Variants in WDFY3 observed in about 807,000 individuals in gnomAD.
The protein encoded by WDFY3 is WD repeat and FYVE domain containing 3.
WDFY3 carries 66 observed loss-of-function variants against 409.6 expected under a neutral mutation model. The ratio of observed to expected loss-of-function variants is 0.16; its 90% confidence interval spans 0.13 to 0.20. The LOEUF is 0.20. WDFY3 is among the 10% of genes least tolerant of loss of function. The probability of loss-of-function intolerance (pLI) is 1.00; values close to 1 mark genes in which losing one functional copy is unlikely to be tolerated. For missense variants in WDFY3, 3,031 were observed against 4,298.1 expected, an observed-to-expected ratio of 0.71 and a Z score of 8.24; for synonymous variants, 1,521 against 1,537.1, an observed-to-expected ratio of 0.99 and a Z score of 0.25.
intron 62 of WDFY3, among the ~76,000 whole-genome samples, chr4:84,685,001 A>C (rs2148806982): frequency 6.6e-6 from 1 of 152,370 alleles, no homozygotes; most frequent in South Asian, 2.1e-4. Context: ...TGAGGGGCAA[A>C]GAATTTAAGT....
At chr4:84,825,385 G>T (rs1200728582) in intron 10 of WDFY3, among the ~76,000 whole-genome samples, 4 of 145,402 alleles carry the variant, frequency 2.8e-5, no homozygotes, top group African/African-American at 1.0e-4. Flanking sequence ...GCTTTTAAGA[G>T]AAAGGGGGTC....
Position 84,817,598 on chromosome 4 carries a change from A to AG in WDFY3, c.1694-14dup. 6.3e-7 allele frequency: 1 copy of AG among 1,586,002 alleles called. No homozygotes were observed. On this transcript the variant is annotated splice_polypyrimidine_tract_variant and intron_variant, in intron 12 of 67. Coordinates refer to ENST00000295888, the MANE Select transcript of WDFY3 (RefSeq NM_014991.6). ...TCTCGAAAAATTCCTTGAAGGAAGGAGAAAAAGTCCAACAATGGCTACTTT... is the reference window on the plus strand; with the variant it reads ...TCTCGAAAAATTCCTTGAAGGAAGGAGGAAAAAGTCCAACAATGGCTACTTT...
chr4:84,928,034 T>C lies in WDFY3; in HGVS notation c.-132+4236A>G, dbSNP rs544348268. The stretch of plus-strand genomic sequence containing the variant: ...TCTGTGAAGGTGTTTCCAAAGGAGA[T>C]TGACATTTCAGTCAGTGGACTGAGT... On this transcript the variant is annotated intron_variant, in intron 2 of 67. Transcript: ENST00000295888. Among the ~76,000 whole-genome samples, 23 of 152,252 alleles carry C rather than the reference T, an allele frequency of 1.5e-4. No homozygotes were observed. In the East Asian group the frequency reaches 4.3e-3, roughly 28 times the overall value.
intron 7 of WDFY3, among the ~76,000 whole-genome samples, chr4:84,835,499 GT>G (rs1267408267): frequency 6.6e-6 from 1 of 152,194 alleles, no homozygotes. Context: ...AAGTCGTGGG[GT>G]TATCTTGCAA....
intron 62 of WDFY3, 123 bp downstream of exon 62, chr4:84,687,963 C>G: frequency 9.5e-7 from 1 of 1,049,574 alleles, no homozygotes; most frequent in Non-Finnish European, 1.4e-6. Context: ...TCAACTAATC[C>G]TCCTGCGGTA....
chr4:84,708,790 C>T (rs1022042665), intron 53 of WDFY3, 119 bp downstream of exon 53: 2 of 1,138,122 alleles, frequency 1.8e-6, no homozygotes, highest in South Asian at 3.4e-5. Flanking sequence ...ATTCGCCTCT[C>T]TTAGCCTCCC....
chr4:84,942,759 C>A (rs895122595), intron 1 of WDFY3, among the ~76,000 whole-genome samples: 1 of 152,084 alleles, frequency 6.6e-6, no homozygotes, highest in African/African-American at 2.4e-5. Flanking sequence ...CGACAGGGTT[C>A]TTTGTCTTCT....
At chr4:84,759,366 T>C (rs1308808605) in intron 32 of WDFY3, among the ~76,000 whole-genome samples, 1 of 152,222 alleles carries the variant, frequency 6.6e-6, no homozygotes, top group Non-Finnish European at 1.5e-5. Context: ...TTGATGGGGA[T>C]GGCATTGAAT....
At chr4:84,880,745 T>C (rs1221711849) in intron 3 of WDFY3, among the ~76,000 whole-genome samples, 2 of 122,094 alleles carry the variant, frequency 1.6e-5, no homozygotes, top group South Asian at 5.5e-4. Flanking sequence ...GGAGACAGAG[T>C]CTTGCTCTGT....
Position 84,860,526 on chromosome 4 carries a change from G to A in WDFY3, c.66C>T (p.Ala22=). Residue 22 remains alanine, a synonymous_variant, in exon 4 of 68, where the codon GCC becomes GCT. Coordinates refer to ENST00000295888, the MANE Select transcript of WDFY3 (RefSeq NM_014991.6). ...GCCGGCGGAGGTGCATCAGTCCTAA[G>A]GCGTTGTCTTGTGGGCTGCACTCCT... ...RQEECSPQDN[A]LGLMHLRRLF... The A allele has an allele frequency of 1.2e-6, 2 of 1,614,062 alleles. No individual in the cohort carries two copies. Among genetic ancestry groups the A allele is most frequent in the Non-Finnish European group, 1.7e-6 (2 of 1,179,960 alleles).
chr4:84,956,602 T>A (rs899828080), intron 1 of WDFY3, among the ~76,000 whole-genome samples: 1 of 152,218 alleles, frequency 6.6e-6, no homozygotes, highest in South Asian at 2.1e-4. Context: ...CACTCATTTA[T>A]AGTCCTCTAA....
In WDFY3 at chr4:84,708,993, A is replaced by G; in HGVS notation, c.8133T>C (p.His2711=). The change falls in exon 53 of 68, where the codon CAT becomes CAC. Residue 2711 remains histidine (H), a synonymous_variant. Coordinates refer to ENST00000295888, the MANE Select transcript of WDFY3 (RefSeq NM_014991.6). The stretch of plus-strand genomic sequence containing the variant: ...ATGATCTGCCAGCCAAAGTGTTCAA[A>G]TGCATCAAATATTGGAAGTTGCTGA... ...GEISNFQYLM[H]LNTLAGRSYN... 6.2e-7 allele frequency: 1 copy of G among 1,614,092 alleles called. No individual in the cohort carries two copies. The highest frequency in any genetic ancestry group is 8.5e-7 in the Non-Finnish European group (1 of 1,179,962).
chr4:84,678,861 C>G, intron 65 of WDFY3, 58 bp downstream of exon 65: 3 of 1,539,354 alleles, frequency 1.9e-6, no homozygotes, highest in Non-Finnish European at 2.6e-6. Flanking sequence ...CTGCCTCAAT[C>G]CACCAACCCT....
intron 62 of WDFY3, among the ~76,000 whole-genome samples, chr4:84,686,114 G>A (rs950525294): frequency 2.0e-5 from 3 of 152,018 alleles, no homozygotes; most frequent in African/African-American, 7.2e-5. Flanking sequence ...AACCATCTTC[G>A]CTAACACGGT....
chr4:84,867,904 C>T (rs1761618849), intron 3 of WDFY3, among the ~76,000 whole-genome samples: 1 of 152,076 alleles, frequency 6.6e-6, no homozygotes, highest in Admixed American at 6.6e-5. Flanking sequence ...GGCGCAGTGG[C>T]TCACGCCTGT....
intron 47 of WDFY3, among the ~76,000 whole-genome samples, chr4:84,720,356 T>A (rs938924182): frequency 6.6e-6 from 1 of 152,170 alleles, no homozygotes; most frequent in Admixed American, 6.5e-5. Context: ...AATGGGATTA[T>A]AACACACAGG....
intron 1 of WDFY3, among the ~76,000 whole-genome samples, chr4:84,958,776 CTTACTG>C (rs1310628799): frequency 6.6e-6 from 1 of 152,224 alleles, no homozygotes; most frequent in African/African-American, 2.4e-5. Context: ...CAGCCAACCC[CTTACTG>C]TTCTGTGAAT....
intron 31 of WDFY3, 64 bp downstream of exon 31, chr4:84,766,188 T>G: frequency 6.6e-7 from 1 of 1,517,928 alleles, no homozygotes; most frequent in South Asian, 1.3e-5. Flanking sequence ...TTCCTTCTTT[T>G]GCCTAACATG....
chr4:84,765,138 CT>C (rs1743405930), intron 32 of WDFY3, among the ~76,000 whole-genome samples: 2 of 152,042 alleles, frequency 1.3e-5, no homozygotes, highest in Non-Finnish European at 2.9e-5. Context: ...ATGACTTTGC[CT>C]TTAAATAAAG....
Sources: allele counts gnomAD v4.1 joint callset (sites outside exome capture counted in the v4.1 genomes callset), GRCh38; gene constraint gnomAD v4.1.1; transcripts MANE v1.5; gene names NCBI Gene and HGNC (gene_info 2026-07-23, HGNC 2026-07-21).